DHX37: variants seen among roughly 807,000 people sequenced by gnomAD.
The protein encoded by DHX37 is DEAH-box helicase 37, also known as probable ATP-dependent RNA helicase DHX37.
A neutral mutation model predicts 134.3 loss-of-function variants in DHX37; 52 were observed. The ratio of observed to expected loss-of-function variants is 0.39; its 90% confidence interval spans 0.31 to 0.49. The LOEUF is 0.49. Among genes scored for constraint, DHX37 ranks in the 20% least tolerant of loss-of-function variants. The pLI is 0.93. For missense variants in DHX37, 1,344 were observed against 1,580.8 expected (o/e 0.85, Z 2.54); for synonymous variants, 634 against 670.7 (o/e 0.95, Z 0.85).
At chr12:124,962,151 T>C (rs921748232) in intron 15 of DHX37, among the ~76,000 whole-genome samples, 2 of 151,878 alleles carry the variant, frequency 1.3e-5, no homozygotes, top group Non-Finnish European at 2.9e-5. Flanking sequence ...GAGGCTGCAG[T>C]GAGCTATACT....
At chr12:124,950,638 C>T (rs148565171) in intron 22 of DHX37, 52 bp downstream of exon 22, 34,502 of 1,595,392 alleles carry the variant, frequency 0.022, 446 homozygotes, top group Non-Finnish European at 0.027. Flanking sequence ...CCAGCCACAC[C>T]CCCATTAGCG....
At chr12:124,948,423 C>G in intron 25 of DHX37, 1 of 663,886 alleles carries the variant, frequency 1.5e-6, no homozygotes, top group Non-Finnish European at 2.5e-6. Context: ...GCACTCCAGC[C>G]TGGGCAACAG....
rs1318071147 is a variant in DHX37, at chr12:124,964,579, G to A, written c.1860C>T (p.Thr620=). 1 of 1,613,390 alleles carries A rather than the reference G, an allele frequency of 6.2e-7. No individual in the cohort carries two copies. The stretch of plus-strand genomic sequence containing the variant: ...TGGTAAGCGACGTCTCGGCCACATT[G>A]GTGGCCACAACACACAACCGAGTCC... ...PEGTRLCVVA[T]NVAETSLTIP... Residue 620 remains threonine, a synonymous_variant, in exon 15 of 27, where the codon ACC becomes ACT. Transcript: ENST00000308736.
intron 8 of DHX37, among the ~76,000 whole-genome samples, chr12:124,970,911 C>T (rs1017171128): frequency 6.6e-6 from 1 of 152,226 alleles, no homozygotes; most frequent in African/African-American, 2.4e-5. Flanking sequence ...CTGGGGAGCC[C>T]CTCTCAGAGC....
chr12:124,957,978 A>G (rs1954135155), intron 16 of DHX37, among the ~76,000 whole-genome samples: 1 of 152,262 alleles, frequency 6.6e-6, no homozygotes, highest in Non-Finnish European at 1.5e-5. Context: ...CATCATACTC[A>G]GGGAAAGACG....
At chr12:124,988,883 T>G (rs544273519) in intron 1 of DHX37, 34 bp downstream of exon 1, 1 of 1,278,624 alleles carries the variant, frequency 7.8e-7, no homozygotes, top group South Asian at 3.0e-5. Flanking sequence ...CTGGGAAATC[T>G]CCGAAATCCA....
chr12:124,952,029 C>G (rs1025506435), intron 21 of DHX37, among the ~76,000 whole-genome samples: 1 of 151,994 alleles, frequency 6.6e-6, no homozygotes, highest in Non-Finnish European at 1.5e-5. Flanking sequence ...CCCCTGCAGT[C>G]CCAACTACTC....
At chr12:124,955,199 C>T (rs1481501609) in intron 18 of DHX37, among the ~76,000 whole-genome samples, 1 of 152,206 alleles carries the variant, frequency 6.6e-6, no homozygotes, top group Non-Finnish European at 1.5e-5. Flanking sequence ...CTGGGTGTTT[C>T]TTTGAATTGG....
In DHX37 at chr12:124,950,403, C is replaced by T. The variant is rs779750567; in HGVS notation, c.3121+10G>A. The T allele has an allele frequency of 1.3e-6, 2 of 1,598,924 alleles. No individual in the cohort carries two copies. Among genetic ancestry groups the T allele is most frequent in the African/African-American group, 1.3e-5 (1 of 74,826 alleles). ...AGGCTCAGGTTGCCCAGGACACTGC[C>T]CCAACTCACAGAACACGCTGGCCCG... On this transcript the variant is annotated intron_variant, in intron 23 of 26. Coordinates refer to ENST00000308736, the MANE Select transcript of DHX37 (RefSeq NM_032656.4).
At position 124,947,245 on chromosome 12, in the gene DHX37, C is replaced by T. The variant is rs549910133; in HGVS notation, c.*557G>A. Reference sequence around the variant, plus strand: ...AGATGAGATGCCCACTCCCTGTTGCCATAACACAGGAAAGGCGTTGGCGGC... The same window carrying T: ...AGATGAGATGCCCACTCCCTGTTGCTATAACACAGGAAAGGCGTTGGCGGC... On this transcript the variant is annotated 3_prime_UTR_variant, in exon 27 of 27. Coordinates refer to ENST00000308736, the MANE Select transcript of DHX37 (RefSeq NM_032656.4). 6.6e-6 allele frequency: 1 copy of T among 152,632 alleles called. No individual in the cohort carries two copies. Among genetic ancestry groups the T allele is most frequent in the African/African-American group, 2.4e-5 (1 of 41,606 alleles). The allele number at this position is 152,632 out of a possible 1,614,324, so 9.5% of individuals were successfully genotyped here.
intron 18 of DHX37, among the ~76,000 whole-genome samples, chr12:124,955,541 C>T (rs1340361572): frequency 1.3e-5 from 2 of 152,212 alleles, no homozygotes; most frequent in Non-Finnish European, 2.9e-5. Context: ...AATTCCTGAC[C>T]TCTCAAGTGA....
chr12:124,979,766 C>G (rs748313059), intron 4 of DHX37, among the ~76,000 whole-genome samples: 1 of 152,202 alleles, frequency 6.6e-6, no homozygotes, highest in South Asian at 2.1e-4. Flanking sequence ...GAACCCCACA[C>G]CCTCCTTGCC....
rs1954684737 is a variant in DHX37 at position 124,978,273 on chromosome 12, T to C, written c.739-783A>G. ...ACCATGCCTGGCCAACAAGCTCATA[T>C]TCTTAATTTTTGTTCTATTTCTATT... On this transcript the variant is annotated intron_variant, in intron 4 of 26. Coordinates refer to ENST00000308736, the MANE Select transcript of DHX37 (RefSeq NM_032656.4). Among the ~76,000 whole-genome samples the C allele has an allele frequency of 4.6e-5, 7 of 151,240 alleles. No homozygotes were observed. In the South Asian group the frequency reaches 1.5e-3, roughly 32 times the overall value.
At position 124,989,019 on chromosome 12, in the gene DHX37, C is replaced by A; in HGVS notation, c.4G>T (p.Gly2Trp). Residue 2 changes from glycine to tryptophan, a missense_variant, in exon 1 of 27, where the codon GGG becomes TGG. Around this residue, in one of 7 missense-constraint regions of DHX37, gnomAD observed 319 missense variants for 296.1 expected, o/e 1.08. Transcript: ENST00000308736. M[G>W]KLRRRYNIKG... Reference sequence around the variant, plus strand: ...ATGTTGTAGCGCCGGCGCAGCTTCCCCATGGCGACTAGGCCAGGGTGGGCG... The same window carrying A: ...ATGTTGTAGCGCCGGCGCAGCTTCCACATGGCGACTAGGCCAGGGTGGGCG... 7.3e-7 allele frequency: 1 copy of A among 1,370,736 alleles called. No homozygotes were observed. Among genetic ancestry groups the A allele is most frequent in the Non-Finnish European group, 9.5e-7 (1 of 1,054,714 alleles). 84.9% of individuals were successfully genotyped at this position (1,370,736 alleles called of 1,614,324 possible). A position where few individuals can be genotyped will look rare whatever the true frequency, so the allele number is the denominator to read the frequency against.
At chr12:124,952,284 G>C (rs531372766) in intron 21 of DHX37, 114 bp downstream of exon 21, 3 of 1,134,832 alleles carry the variant, frequency 2.6e-6, no homozygotes, top group South Asian at 3.6e-5. Context: ...TTGTTCCTCA[G>C]TGGGGACCCA....
intron 2 of DHX37, among the ~76,000 whole-genome samples, chr12:124,985,047 G>A (rs928252619): frequency 1.3e-5 from 2 of 152,130 alleles, no homozygotes; most frequent in Admixed American, 6.6e-5. Flanking sequence ...GGGAACGCCT[G>A]GAGCCGCCAG....
intron 5 of DHX37, among the ~76,000 whole-genome samples, chr12:124,977,109 G>C (rs1336779560): frequency 6.6e-6 from 1 of 151,688 alleles, no homozygotes; most frequent in Middle Eastern, 3.2e-3. Context: ...CAGGAATTAA[G>C]TGTGCTACGC....
rs1343138410 is a variant in DHX37 at position 124,971,323 on chromosome 12, G to T, written c.1170C>A (p.Arg390=). The T allele has an allele frequency of 6.2e-6, 10 of 1,612,944 alleles. No homozygotes were observed. Among genetic ancestry groups the T allele is most frequent in the Non-Finnish European group, 8.5e-6 (10 of 1,180,006 alleles). Residue 390 remains arginine, a synonymous_variant, in exon 8 of 27, where the codon CGC becomes CGA. Transcript: ENST00000308736. ...CTACCTTAGCCCGGAGAGTCACAAT[G>T]CGGGACAGGAGGCCGATGAGGATGT... is the stretch of plus-strand genomic sequence containing the variant. ...YTDILIGLLS[R]IVTLRAKRNL...
At chr12:124,960,527 T>C in intron 15 of DHX37, 104 bp from the exon 16 acceptor site, 1 of 1,509,920 alleles carries the variant, frequency 6.6e-7, no homozygotes, top group South Asian at 1.3e-5. Flanking sequence ...CAAAACTCAG[T>C]CATGCCACTG....
Sources: gnomAD v4.1 joint callset for allele counts (sites outside exome capture counted in the v4.1 genomes callset) on GRCh38, gnomAD v4.1.1 for gene constraint, gnomAD v4.1.1 regional missense constraint, MANE v1.5 for transcripts, NCBI Gene and HGNC (gene_info 2026-07-23, HGNC 2026-07-21) for gene names.